Variants in CACNG4 observed in about 807,000 individuals in gnomAD.
CACNG4 encodes calcium voltage-gated channel auxiliary subunit gamma 4.
A neutral mutation model predicts 22.9 loss-of-function variants in CACNG4; 8 were observed. The ratio of observed to expected loss-of-function variants is 0.35; its 90% CI spans 0.21 to 0.63. CACNG4 has a LOEUF of 0.63. Among genes scored for constraint, CACNG4 ranks in the 30% least tolerant of loss-of-function variants. CACNG4 has a pLI of 0.72. For synonymous variants in CACNG4, 188 were observed against 191.9 expected, an observed-to-expected ratio of 0.98 and a Z score of 0.17; for missense variants, 357 against 455.4, an observed-to-expected ratio of 0.78 and a Z score of 1.97.
At chr17:66,992,201 T>C (rs908183920) in intron 1 of CACNG4, among the ~76,000 whole-genome samples, 3 of 151,222 alleles carry the variant, frequency 2.0e-5, no homozygotes, top group Admixed American at 1.3e-4. Flanking sequence ...CACCCTTGAG[T>C]ACCTAATTGC....
chr17:66,988,713 A>T (rs2035320076), intron 1 of CACNG4, among the ~76,000 whole-genome samples: 1 of 152,014 alleles, frequency 6.6e-6, no homozygotes, highest in Non-Finnish European at 1.5e-5. Context: ...TCTTCCTGAA[A>T]TTTCTTGGTG....
intron 1 of CACNG4, among the ~76,000 whole-genome samples, chr17:66,995,929 G>A (rs1022396995): frequency 1.3e-5 from 2 of 152,116 alleles, no homozygotes; most frequent in Non-Finnish European, 2.9e-5. Context: ...ATTTGTGAGG[G>A]GGTGATTTTT....
chr17:66,988,261 C>T (rs2035316454), intron 1 of CACNG4, among the ~76,000 whole-genome samples: 1 of 152,090 alleles, frequency 6.6e-6, no homozygotes, highest in East Asian at 1.9e-4. Context: ...GGCTGGAGCA[C>T]ACGCATCAAG....
chr17:67,015,184 G>A (rs892275112), intron 1 of CACNG4, among the ~76,000 whole-genome samples: 3 of 152,146 alleles, frequency 2.0e-5, no homozygotes, highest in Non-Finnish European at 2.9e-5. Context: ...GCAGAATTCC[G>A]CTCAGAAATA....
Position 66,980,266 on chromosome 17 carries a change from A to G in CACNG4, c.220+15135A>G, listed in dbSNP as rs185202153. Reference sequence around the variant, plus strand: ...CATCCCTAGAAATCCATCTCCTACAATAAAAGTGCTAAAACTGACCATGAA... The same window carrying G: ...CATCCCTAGAAATCCATCTCCTACAGTAAAAGTGCTAAAACTGACCATGAA... On this transcript the variant is annotated intron_variant, in intron 1 of 3. Coordinates refer to ENST00000262138, the MANE Select transcript of CACNG4 (RefSeq NM_014405.4). Among the ~76,000 whole-genome samples, 6 of 152,308 alleles carry G rather than the reference A, an allele frequency of 3.9e-5. 1 individual carries two copies. The highest frequency in any genetic ancestry group is 3.3e-4 in the Admixed American group (5 of 15,302).
intron 1 of CACNG4, among the ~76,000 whole-genome samples, chr17:67,005,635 G>A (rs546668837): frequency 4.6e-5 from 7 of 152,258 alleles, no homozygotes; most frequent in South Asian, 2.1e-4. Context: ...GACAGGCCTC[G>A]GTCCCCGAGT....
chr17:66,989,298 C>T (rs1264779145), intron 1 of CACNG4, among the ~76,000 whole-genome samples: 3 of 151,002 alleles, frequency 2.0e-5, no homozygotes, highest in Non-Finnish European at 4.4e-5. Flanking sequence ...TAGAATAGGC[C>T]TTCGTTTAAT....
intron 1 of CACNG4, among the ~76,000 whole-genome samples, chr17:66,986,790 G>A (rs2035307940): frequency 6.6e-6 from 1 of 152,174 alleles, no homozygotes; most frequent in Non-Finnish European, 1.5e-5. Context: ...TTTTCCCTGG[G>A]TGCATGTGTC....
chr17:67,003,673 A>G (rs2035421292), intron 1 of CACNG4, among the ~76,000 whole-genome samples: 1 of 152,188 alleles, frequency 6.6e-6, no homozygotes, highest in African/African-American at 2.4e-5. Context: ...TTCGCCCTGC[A>G]ACCCCAAGTT....
chr17:67,011,906 G>A (rs967240070), intron 1 of CACNG4, among the ~76,000 whole-genome samples: 3 of 152,082 alleles, frequency 2.0e-5, no homozygotes, highest in African/African-American at 7.2e-5. Context: ...CCAATCCGAG[G>A]CTGCCTTCTT....
At chr17:66,989,192 T>C (rs1299271771) in intron 1 of CACNG4, among the ~76,000 whole-genome samples, 1 of 150,972 alleles carries the variant, frequency 6.6e-6, no homozygotes, top group Admixed American at 6.6e-5. Flanking sequence ...TAAAAAGATA[T>C]GTCAAAGCCC....
chr17:67,021,419 G>A (rs893486742), intron 2 of CACNG4, among the ~76,000 whole-genome samples: 2 of 152,226 alleles, frequency 1.3e-5, no homozygotes, highest in Non-Finnish European at 2.9e-5. Flanking sequence ...TAGATCCAAG[G>A]CTGCGCTGCT....
chr17:66,999,960 G>A (rs552451119), intron 1 of CACNG4, among the ~76,000 whole-genome samples: 3 of 152,304 alleles, frequency 2.0e-5, no homozygotes, highest in South Asian at 2.1e-4. Flanking sequence ...CTTTCAGCTC[G>A]TCCCTGGCAT....
chr17:67,004,875 C>A (rs1368638432), intron 1 of CACNG4, among the ~76,000 whole-genome samples: 1 of 152,134 alleles, frequency 6.6e-6, no homozygotes, highest in Non-Finnish European at 1.5e-5. Context: ...AAGCGTGCAC[C>A]ACCATGCCCA....
At chr17:66,976,164 G>A (rs575188592) in intron 1 of CACNG4, among the ~76,000 whole-genome samples, 3 of 152,244 alleles carry the variant, frequency 2.0e-5, no homozygotes, top group South Asian at 2.1e-4. Flanking sequence ...ACAAGGCACC[G>A]GAGTGAAAAC....
At chr17:66,971,479 C>G (rs118120303) in intron 1 of CACNG4, among the ~76,000 whole-genome samples, 3,747 of 152,254 alleles carry the variant, frequency 0.025, 52 homozygotes, top group Middle Eastern at 0.068. Context: ...GGCTCAGGGT[C>G]ACAGCTGCAG....
At chr17:67,013,975 C>T (rs112906502) in intron 1 of CACNG4, among the ~76,000 whole-genome samples, 4 of 152,264 alleles carry the variant, frequency 2.6e-5, no homozygotes, top group African/African-American at 7.2e-5. Flanking sequence ...CAAGCAGGAC[C>T]GTCTCCCTCT....
chr17:66,979,191 C>T (rs1028617721), intron 1 of CACNG4, among the ~76,000 whole-genome samples: 1 of 152,178 alleles, frequency 6.6e-6, no homozygotes, highest in Non-Finnish European at 1.5e-5. Context: ...TCCCCAGTGC[C>T]GCCTTCTCTT....
intron 1 of CACNG4, among the ~76,000 whole-genome samples, chr17:67,010,010 C>T (rs1174028118): frequency 6.6e-6 from 1 of 152,148 alleles, no homozygotes; most frequent in Non-Finnish European, 1.5e-5. Context: ...CTACCTCCCC[C>T]ATCACTGCTA....
Sources: gnomAD v4.1 joint callset for allele counts (sites outside exome capture counted in the v4.1 genomes callset) on GRCh38, gnomAD v4.1.1 for gene constraint, MANE v1.5 for transcripts, NCBI Gene and HGNC (gene_info 2026-07-23, HGNC 2026-07-21) for gene names.